Variants in DNAJC12 observed in about 807,000 individuals in gnomAD.
DNAJC12 encodes dnaJ homolog subfamily C member 12.
Under a neutral mutation model 28.5 loss-of-function variants are expected in DNAJC12, and 25 were observed. That is an observed-to-expected ratio of 0.88 (90% CI 0.64 to 1.22). The LOEUF is 1.22. DNAJC12 is among the 50% of genes most tolerant of loss of function. DNAJC12 has a pLI of 0.00. For synonymous variants in DNAJC12, 77 were observed against 80.6 expected, an observed-to-expected ratio of 0.95 and a Z score of 0.24; for missense variants, 222 against 231.7, an observed-to-expected ratio of 0.96 and a Z score of 0.27.
At chr10:67,815,984 T>C in intron 2 of DNAJC12, 1 of 398,096 alleles carries the variant, frequency 2.5e-6, no homozygotes, top group Non-Finnish European at 4.4e-6. Context: ...TTTGGGTTTA[T>C]ATTTTTCCAT....
intron 2 of DNAJC12, among the ~76,000 whole-genome samples, chr10:67,821,738 A>C (rs1347167398): frequency 6.6e-6 from 1 of 152,228 alleles, no homozygotes; most frequent in Non-Finnish European, 1.5e-5. Flanking sequence ...TAGCAATCCA[A>C]GCATGAAATG....
intron 3 of DNAJC12, among the ~76,000 whole-genome samples, chr10:67,806,879 T>C (rs1841807587): frequency 6.6e-6 from 1 of 151,430 alleles, no homozygotes; most frequent in East Asian, 2.0e-4. Flanking sequence ...AATATAACTG[T>C]AGTTATGCCT....
chr10:67,803,444 G>A (rs74142900), intron 4 of DNAJC12, among the ~76,000 whole-genome samples: 167 of 152,370 alleles, frequency 1.1e-3, no homozygotes, highest in African/African-American at 3.8e-3. Context: ...TCAAGAAACA[G>A]AAGCAGAGAA....
At chr10:67,805,849 A>G (rs1054745087) in intron 3 of DNAJC12, 62 bp from the exon 4 acceptor site, 7 of 1,336,310 alleles carry the variant, frequency 5.2e-6, no homozygotes, top group Middle Eastern at 2.7e-4. Context: ...TTCTATATTT[A>G]AAGTTTGATA....
intron 4 of DNAJC12, among the ~76,000 whole-genome samples, chr10:67,803,456 G>C (rs1349206440): frequency 6.6e-6 from 1 of 152,252 alleles, no homozygotes; most frequent in Non-Finnish European, 1.5e-5. Context: ...AGCAGAGAAG[G>C]TTGGCAACCT....
chr10:67,808,747 T>C (rs1254115134), intron 3 of DNAJC12: 1 of 152,172 alleles, frequency 6.6e-6, no homozygotes, highest in African/African-American at 2.4e-5. Context: ...ATTGACTGGT[T>C]ATTATTATCC....
intron 1 of DNAJC12, among the ~76,000 whole-genome samples, chr10:67,824,795 G>A (rs528590395): frequency 1.2e-4 from 18 of 151,816 alleles, no homozygotes; most frequent in East Asian, 3.9e-4. Context: ...GTGCAGTGGC[G>A]TGATCTCCGC....
At chr10:67,798,283 C>T (rs1284186903) in intron 4 of DNAJC12, among the ~76,000 whole-genome samples, 2 of 151,952 alleles carry the variant, frequency 1.3e-5, no homozygotes, top group South Asian at 2.1e-4. Context: ...GAAAAATGCT[C>T]ACAGCATATT....
chr10:67,819,743 G>T (rs1331020319), intron 2 of DNAJC12, among the ~76,000 whole-genome samples: 1 of 20,972 alleles, frequency 4.8e-5, no homozygotes, highest in Non-Finnish European at 8.5e-5. Flanking sequence ...AGGAAGGAAG[G>T]AAGGAAGGAA....
At position 67,813,835 on chromosome 10, in the gene DNAJC12, G is replaced by A. The variant is rs1478683244; in HGVS notation, c.158-2172C>T. Among the ~76,000 whole-genome samples the A allele has an allele frequency of 2.6e-5, 4 of 151,236 alleles. No homozygotes were observed. In the East Asian group the frequency reaches 5.8e-4, roughly 22 times the overall value. Reference sequence around the variant, plus strand: ...ACAAAAGAAGGAACTACACAATATTGTCAAAAGAAGCTAAAGAAGATCTAA... The same window carrying A: ...ACAAAAGAAGGAACTACACAATATTATCAAAAGAAGCTAAAGAAGATCTAA... On this transcript the variant is annotated intron_variant, in intron 2 of 4. Coordinates refer to ENST00000225171, the MANE Select transcript of DNAJC12 (RefSeq NM_021800.3).
At chr10:67,799,706 A>T (rs1301089200) in intron 4 of DNAJC12, among the ~76,000 whole-genome samples, 1 of 151,986 alleles carries the variant, frequency 6.6e-6, no homozygotes, top group African/African-American at 2.4e-5. Flanking sequence ...AACATGGTGA[A>T]ACCCCGTCTC....
chr10:67,825,690 T>C (rs548476531), intron 1 of DNAJC12: 6 of 152,310 alleles, frequency 3.9e-5, no homozygotes, highest in Non-Finnish European at 7.3e-5. Context: ...TCAACTCTCA[T>C]AAGGAATGTC....
chr10:67,798,034 T>C (rs1260788438), intron 4 of DNAJC12, among the ~76,000 whole-genome samples: 3 of 139,760 alleles, frequency 2.1e-5, no homozygotes, highest in Admixed American at 6.9e-5. Flanking sequence ...AGCGAGATTC[T>C]GTCTCAGAAA....
intron 1 of DNAJC12, among the ~76,000 whole-genome samples, chr10:67,836,130 T>C (rs2131819086): frequency 6.6e-6 from 1 of 151,420 alleles, no homozygotes. Context: ...TTCTCACTCA[T>C]AAGTGGGAGA....
At chr10:67,826,545 T>A in intron 1 of DNAJC12, among the ~76,000 whole-genome samples, 1 of 142,584 alleles carries the variant, frequency 7.0e-6, no homozygotes, top group Non-Finnish European at 1.5e-5. Flanking sequence ...TATACATCAT[T>A]ATATATAAGA....
chr10:67,832,590 G>C (rs917085014), intron 1 of DNAJC12, among the ~76,000 whole-genome samples: 2 of 152,118 alleles, frequency 1.3e-5, no homozygotes, highest in Non-Finnish European at 2.9e-5. Context: ...AGAAGGGATA[G>C]TTTTTCCTTA....
At chr10:67,807,186 G>T (rs538381639) in intron 3 of DNAJC12, among the ~76,000 whole-genome samples, 8 of 151,240 alleles carry the variant, frequency 5.3e-5, no homozygotes, top group Non-Finnish European at 3.0e-5. Context: ...ACTTGAATCC[G>T]GGAGGCAGAG....
chr10:67,820,545 A>T (rs777339313), intron 2 of DNAJC12, among the ~76,000 whole-genome samples: 1 of 152,172 alleles, frequency 6.6e-6, no homozygotes, highest in South Asian at 2.1e-4. Context: ...GGATATACAT[A>T]TGCACAAATT....
At position 67,798,483 on chromosome 10, in the gene DNAJC12, C is replaced by G. The variant is rs560631709; in HGVS notation, c.503-1273G>C. On this transcript the variant is annotated intron_variant, in intron 4 of 4. Transcript: ENST00000225171. ...TCTCTTGAGCTCAGGAGTTCGAGACCAGCATAGGCAACATGGCAAAATCCC... is the reference window on the plus strand; with the variant it reads ...TCTCTTGAGCTCAGGAGTTCGAGACGAGCATAGGCAACATGGCAAAATCCC... 2.6e-5 allele frequency among the ~76,000 whole-genome samples: 4 copies of G among 151,988 alleles called. No individual in the cohort carries two copies. The South Asian group carries it at 8.3e-4, about 32-fold the overall frequency.
Sources: allele counts gnomAD v4.1 joint callset (sites outside exome capture counted in the v4.1 genomes callset), GRCh38; gene constraint gnomAD v4.1.1; transcripts MANE v1.5; gene names NCBI Gene and HGNC (gene_info 2026-07-23, HGNC 2026-07-21).